The following THSD7B variants were observed in gnomAD, a reference collection of about 807,000 sequenced individuals.
The protein encoded by THSD7B is thrombospondin type-1 domain-containing protein 7B.
THSD7B carries 138 observed loss-of-function variants against 213.6 expected under a neutral mutation model. That is an observed-to-expected ratio of 0.65 (90% CI 0.56 to 0.74). The LOEUF (loss-of-function observed/expected upper bound fraction) is 0.74, where lower values mean the gene tolerates loss of function less well. THSD7B is among the 30% of genes least tolerant of loss of function. The pLI is 0.00. For missense variants in THSD7B, 1,931 were observed against 1,991.5 expected, an observed-to-expected ratio of 0.97 and a Z score of 0.58; for synonymous variants, 742 against 687.0, an observed-to-expected ratio of 1.08 and a Z score of -1.25.
At chr2:136,970,602 C>G (rs1400839395) in intron 2 of THSD7B, among the ~76,000 whole-genome samples, 5 of 152,224 alleles carry the variant, frequency 3.3e-5, no homozygotes, top group African/African-American at 2.4e-5. Context: ...AATTTCAGAA[C>G]CACAGAACTG....
chr2:136,947,129 C>T (rs1041483523), intron 2 of THSD7B, among the ~76,000 whole-genome samples: 4 of 152,054 alleles, frequency 2.6e-5, no homozygotes, highest in Non-Finnish European at 4.4e-5. Context: ...CAGTGACCCT[C>T]GACAAAATCT....
intron 17 of THSD7B, among the ~76,000 whole-genome samples, chr2:137,585,444 T>C (rs1239070516): frequency 6.6e-6 from 1 of 152,208 alleles, no homozygotes; most frequent in Non-Finnish European, 1.5e-5. Flanking sequence ...GTGTCAATTT[T>C]AGATCTTTCC....
At chr2:136,808,695 G>A (rs188010844) in intron 1 of THSD7B, among the ~76,000 whole-genome samples, 2 of 152,280 alleles carry the variant, frequency 1.3e-5, no homozygotes, top group East Asian at 3.9e-4. Flanking sequence ...TGCTATTGCC[G>A]ATTCCTTTCA....
intron 2 of THSD7B, among the ~76,000 whole-genome samples, chr2:137,027,167 G>A (rs1457561285): frequency 6.6e-6 from 1 of 152,168 alleles, no homozygotes; most frequent in Non-Finnish European, 1.5e-5. Flanking sequence ...CCAAAATCAA[G>A]CCCACACTTC....
At chr2:137,364,403 G>C (rs1354960287) in intron 12 of THSD7B, among the ~76,000 whole-genome samples, 1 of 152,116 alleles carries the variant, frequency 6.6e-6, no homozygotes, top group African/African-American at 2.4e-5. Flanking sequence ...AGGGCAATCA[G>C]GCAAGAGAAA....
intron 10 of THSD7B, among the ~76,000 whole-genome samples, chr2:137,249,134 C>A (rs1682111163): frequency 6.6e-6 from 1 of 152,076 alleles, no homozygotes; most frequent in Admixed American, 6.6e-5. Flanking sequence ...AATACTTCTG[C>A]CAAACTGAGG....
chr2:137,539,688 G>C (rs1384075862), intron 15 of THSD7B, among the ~76,000 whole-genome samples: 1 of 151,612 alleles, frequency 6.6e-6, no homozygotes. Context: ...TGAATACTTA[G>C]AGTCCTATAG....
chr2:137,305,852 A>C (rs1683729248), intron 12 of THSD7B, among the ~76,000 whole-genome samples: 1 of 152,148 alleles, frequency 6.6e-6, no homozygotes, highest in South Asian at 2.1e-4. Context: ...AGCCTACTAT[A>C]CACCTAAGGC....
chr2:137,391,461 G>T (rs1229132086), intron 12 of THSD7B, among the ~76,000 whole-genome samples: 1 of 152,072 alleles, frequency 6.6e-6, no homozygotes, highest in African/African-American at 2.4e-5. Flanking sequence ...GGCCAAGGCG[G>T]GCAGATCACA....
chr2:137,620,095 A>G (rs114640703), intron 19 of THSD7B, among the ~76,000 whole-genome samples: 2,985 of 152,340 alleles, frequency 0.02, 44 homozygotes, highest in Middle Eastern at 0.071. Context: ...AAGAAAAAAA[A>G]TAAACGGTAT....
At chr2:137,584,835 A>G (rs1003343876) in intron 17 of THSD7B, among the ~76,000 whole-genome samples, 4 of 152,310 alleles carry the variant, frequency 2.6e-5, no homozygotes, top group Admixed American at 2.0e-4. Flanking sequence ...TGGTATCAGG[A>G]TGATGCTGGC....
At chr2:137,100,510 A>G (rs1183055849) in intron 4 of THSD7B, among the ~76,000 whole-genome samples, 1 of 152,036 alleles carries the variant, frequency 6.6e-6, no homozygotes, top group Admixed American at 6.5e-5. Context: ...CGTGTCCTTT[A>G]AGAGTGCTTA....
chr2:137,075,528 C>A (rs1287456797), intron 3 of THSD7B, among the ~76,000 whole-genome samples: 1 of 152,142 alleles, frequency 6.6e-6, no homozygotes, highest in African/African-American at 2.4e-5. Context: ...CCCATTGGTT[C>A]GAATTTCCTC....
At chr2:137,024,688 T>C (rs1180743213) in intron 2 of THSD7B, among the ~76,000 whole-genome samples, 3 of 151,722 alleles carry the variant, frequency 2.0e-5, no homozygotes, top group African/African-American at 4.9e-5. Context: ...CTGATAAAAG[T>C]GTACACACAC....
chr2:137,511,783 C>T (rs1346254489), intron 15 of THSD7B, among the ~76,000 whole-genome samples: 4 of 152,204 alleles, frequency 2.6e-5, no homozygotes, highest in Non-Finnish European at 4.4e-5. Flanking sequence ...TACTGTGCCT[C>T]ACCTGCAGGG....
chr2:137,240,611 A>G (rs1277074250), intron 9 of THSD7B, among the ~76,000 whole-genome samples: 1 of 151,986 alleles, frequency 6.6e-6, no homozygotes, highest in Non-Finnish European at 1.5e-5. Context: ...CCTGGGTTTC[A>G]GTGATCCTCT....
intron 1 of THSD7B, among the ~76,000 whole-genome samples, chr2:136,780,939 G>C (rs1681730807): frequency 6.6e-6 from 1 of 152,154 alleles, no homozygotes; most frequent in East Asian, 1.9e-4. Context: ...TAGCCGTAGT[G>C]AAGGCCAACA....
At chr2:137,117,298 T>C (rs1688462411) in intron 5 of THSD7B, among the ~76,000 whole-genome samples, 1 of 152,230 alleles carries the variant, frequency 6.6e-6, no homozygotes, top group African/African-American at 2.4e-5. Context: ...GAATTTCTTC[T>C]TGGCCCCCAT....
At chr2:136,863,438 C>A (rs537199914) in intron 1 of THSD7B, among the ~76,000 whole-genome samples, 23 of 152,284 alleles carry the variant, frequency 1.5e-4, no homozygotes, top group African/African-American at 5.3e-4. Flanking sequence ...CTTTTCACAG[C>A]GCCCAAGGGG....
Sources: allele counts gnomAD v4.1 joint callset (sites outside exome capture counted in the v4.1 genomes callset), GRCh38; gene constraint gnomAD v4.1.1; transcripts MANE v1.5; gene names NCBI Gene and HGNC (gene_info 2026-07-23, HGNC 2026-07-21).